GDI2: variants seen among roughly 807,000 people sequenced by gnomAD.
GDI2 encodes the protein rab GDP dissociation inhibitor beta.
GDI2 carries 22 observed loss-of-function variants against 54.2 expected under a neutral mutation model. The observed-to-expected ratio is 0.41, with a 90% CI of 0.29 to 0.58. The LOEUF is 0.58. Ranked by LOEUF, GDI2 falls within the 20% of genes least tolerant of loss-of-function variation. GDI2 has a pLI of 0.35. For synonymous variants in GDI2, 177 were observed against 182.1 expected (o/e 0.97, Z 0.23); for missense variants, 422 against 546.0 (o/e 0.77, Z 2.26).
chr10:5,813,269 G>C lies in GDI2; in HGVS notation c.-11C>G, dbSNP rs1841515047. 1 of 1,570,634 alleles carries C rather than the reference G, an allele frequency of 6.4e-7. No individual in the cohort carries two copies. The highest frequency in any genetic ancestry group is 1.4e-5 in the African/African-American group (1 of 73,320). On this transcript the variant is annotated 5_prime_UTR_variant, in exon 1 of 11. Coordinates refer to ENST00000380191, the MANE Select transcript of GDI2 (RefSeq NM_001494.4). Reference sequence around the variant, plus strand: ...GTACTCCTCATTCATGGCGGGGCAGGCGCGGACGCAGGACCCGAGCAAGGA... The same window carrying C: ...GTACTCCTCATTCATGGCGGGGCAGCCGCGGACGCAGGACCCGAGCAAGGA...
chr10:5,774,717 T>C lies in GDI2; in HGVS notation c.720-776A>G, dbSNP rs1054081221. ...GTGGTGAGGCTAAAGCCTAAAGCCA[T>C]GCGATGTCTGGGTTTTACTCTGCTT... On this transcript the variant is annotated intron_variant, in intron 6 of 10. Transcript: ENST00000380191. This position sits in a 1 kb window ranked among gnomAD's most constrained non-coding sequence, Gnocchi z 4.8. Among the ~76,000 whole-genome samples, 1 of 152,172 alleles carries C rather than the reference T, an allele frequency of 6.6e-6. No homozygotes were observed. The highest frequency in any genetic ancestry group is 2.1e-4 in the South Asian group (1 of 4,826).
chr10:5,795,158 TC>T, intron 3 of GDI2, 139 bp from the exon 4 acceptor site: 1 of 618,706 alleles, frequency 1.6e-6, no homozygotes, highest in Non-Finnish European at 2.8e-6. Flanking sequence ...AGACACAGTC[TC>T]CCTCTGTTGC....
intron 1 of GDI2, among the ~76,000 whole-genome samples, chr10:5,803,446 T>C (rs754980180): frequency 7.2e-5 from 11 of 152,288 alleles, no homozygotes; most frequent in South Asian, 4.1e-4. Context: ...AAAGTACATA[T>C]ACAGTTAAAA....
intron 1 of GDI2, among the ~76,000 whole-genome samples, chr10:5,804,525 G>A (rs973025266): frequency 1.3e-5 from 2 of 152,130 alleles, no homozygotes; most frequent in Non-Finnish European, 1.5e-5. Flanking sequence ...GATTTGTTCT[G>A]CCCGCTTCTG....
intron 1 of GDI2, among the ~76,000 whole-genome samples, chr10:5,805,548 T>G (rs201061868): frequency 2.0e-5 from 3 of 151,976 alleles, no homozygotes; most frequent in East Asian, 3.9e-4. Flanking sequence ...GCCTGCCAAA[T>G]TTTTTAATTT....
rs77989506 is a variant in GDI2 at position 5,800,202 on chromosome 10, C to T, written c.153+396G>A. On this transcript the variant is annotated intron_variant, in intron 2 of 10. Transcript: ENST00000380191. ...AGGCAGTATAGCAAAAGGAACTAAGCTTTGTAGTCATGTAACTTGGGTTTA... is the reference window on the plus strand; with the variant it reads ...AGGCAGTATAGCAAAAGGAACTAAGTTTTGTAGTCATGTAACTTGGGTTTA... Among the ~76,000 whole-genome samples, 424 of 152,160 alleles carry T rather than the reference C, an allele frequency of 2.8e-3. 9 individuals carry two copies. Among genetic ancestry groups the T allele is most frequent in the Admixed American group, 0.021 (320 of 15,286 alleles).
chr10:5,804,408 T>C (rs1841332722), intron 1 of GDI2, among the ~76,000 whole-genome samples: 1 of 152,118 alleles, frequency 6.6e-6, no homozygotes, highest in Admixed American at 6.6e-5. Context: ...TCATTCTTTC[T>C]TTAGCTCAAG....
intron 6 of GDI2, among the ~76,000 whole-genome samples, chr10:5,783,346 T>G (rs559429863): frequency 1.3e-5 from 2 of 152,276 alleles, no homozygotes; most frequent in Admixed American, 1.3e-4. Context: ...TCCTTTTGTG[T>G]CTGGTGAATC....
intron 7 of GDI2, among the ~76,000 whole-genome samples, chr10:5,770,879 T>C (rs187122232): frequency 0.025 from 3,730 of 147,594 alleles, 60 homozygotes; most frequent in South Asian, 0.037. Flanking sequence ...GGCAGGAGAA[T>C]TGCTTGAACC....
intron 4 of GDI2, among the ~76,000 whole-genome samples, chr10:5,786,795 C>T (rs911148006): frequency 2.0e-5 from 3 of 152,170 alleles, no homozygotes; most frequent in African/African-American, 4.8e-5. Context: ...CAACCGGGCA[C>T]TTAATGATAA....
rs1841091718 is a variant in GDI2, at chr10:5,794,191, ATATATATATATATATATATATATATAT to A, written c.388+667_388+693del. ...TTAAAAGAAAAAAAAAAAAAAAAAT[ATATATATATATATATATATATATATAT>A]ATATATATATATATAAAACTCACCA... is the stretch of plus-strand genomic sequence containing the variant. On this transcript the variant is annotated intron_variant, in intron 4 of 10. Transcript: ENST00000380191. 1.6e-4 allele frequency among the ~76,000 whole-genome samples: 5 copies of A among 31,928 alleles called. 1 individual carries two copies. Among genetic ancestry groups the A allele is most frequent in the African/African-American group, 2.5e-4 (2 of 7,916 alleles). 20.9% of individuals were successfully genotyped at this position (31,928 alleles called of 152,430 possible). A position where few individuals can be genotyped will look rare whatever the true frequency, so the allele number is the denominator to read the frequency against.
At chr10:5,812,711 A>G (rs1303522857) in intron 1 of GDI2, among the ~76,000 whole-genome samples, 1 of 152,226 alleles carries the variant, frequency 6.6e-6, no homozygotes, top group African/African-American at 2.4e-5. Context: ...GCAGTTCCGA[A>G]GCAGTGATTA....
intron 1 of GDI2, among the ~76,000 whole-genome samples, chr10:5,809,199 C>G (rs557897726): frequency 6.7e-6 from 1 of 149,322 alleles, no homozygotes; most frequent in Non-Finnish European, 1.5e-5. Context: ...GAGCCGAGAT[C>G]ACATCACTGT....
In GDI2 at chr10:5,768,476, A is replaced by C; in HGVS notation, c.820-92T>G. 1.2e-6 allele frequency: 1 copy of C among 809,844 alleles called. No individual in the cohort carries two copies. The highest frequency in any genetic ancestry group is 2.0e-6 in the Non-Finnish European group (1 of 503,670). 50.2% of individuals were successfully genotyped at this position (809,844 alleles called of 1,614,324 possible). On this transcript the variant is annotated intron_variant, in intron 7 of 10. Transcript: ENST00000380191. The surrounding 1 kb of genome is among the most constrained non-coding windows in gnomAD (Gnocchi z 4.4). ...TAGTTTGGAAGACTTAGTATTGTTA[A>C]GATATCAAAAACCATCCTCAAGTTC...
At chr10:5,775,671 G>T (rs1189958811) in intron 6 of GDI2, among the ~76,000 whole-genome samples, 1 of 152,138 alleles carries the variant, frequency 6.6e-6, no homozygotes, top group Non-Finnish European at 1.5e-5. Flanking sequence ...GAATCCACCA[G>T]AAATAAACAG....
chr10:5,771,135 A>G (rs1308459897), intron 7 of GDI2, among the ~76,000 whole-genome samples: 1 of 152,168 alleles, frequency 6.6e-6, no homozygotes, highest in Non-Finnish European at 1.5e-5. Flanking sequence ...ATGAATATAA[A>G]AGTCAAGGTA....
chr10:5,785,375 T>A, intron 5 of GDI2, 102 bp from the exon 6 acceptor site: 1 of 815,066 alleles, frequency 1.2e-6, no homozygotes, highest in East Asian at 2.6e-5. Flanking sequence ...TATCTTCTTT[T>A]TTGTTTTTTT....
intron 2 of GDI2, 83 bp downstream of exon 2, chr10:5,800,515 C>T (rs2131714591): frequency 1.3e-6 from 1 of 769,842 alleles, no homozygotes; most frequent in Non-Finnish European, 2.4e-6. Flanking sequence ...AAAATTAAGA[C>T]CATCTCTAAG....
intron 1 of GDI2, among the ~76,000 whole-genome samples, chr10:5,801,760 C>T (rs1320009945): frequency 6.6e-6 from 1 of 152,116 alleles, no homozygotes; most frequent in Admixed American, 6.5e-5. Context: ...CCTGCAATCC[C>T]AGCACTTCGG....
Sources: allele counts gnomAD v4.1 joint callset (sites outside exome capture counted in the v4.1 genomes callset), GRCh38; gene constraint gnomAD v4.1.1; non-coding constraint Gnocchi (gnomAD v3.1); transcripts MANE v1.5; gene names NCBI Gene and HGNC (gene_info 2026-07-23, HGNC 2026-07-21).